Variants in GABBR1 observed in about 807,000 individuals in gnomAD.
GABBR1 encodes GABA-B receptor, R1 subunit.
Under a neutral mutation model 117.7 loss-of-function variants are expected in GABBR1, and 35 were observed. The observed-to-expected ratio is 0.30, with a 90% CI of 0.23 to 0.39. The LOEUF is 0.39. Among genes scored for constraint, GABBR1 ranks in the 10% least tolerant of loss-of-function variants. GABBR1 has a pLI of 1.00. For synonymous variants in GABBR1, 442 were observed against 486.6 expected (o/e 0.91, Z 1.21); for missense variants, 709 against 1,241.8 (o/e 0.57, Z 6.45).
At chr6:29,628,942 AG>A (rs1011109517) in intron 5 of GABBR1, 144 bp downstream of exon 5, 7 of 801,684 alleles carry the variant, frequency 8.7e-6, no homozygotes, top group South Asian at 7.7e-5. Context: ...TAGGGAGGGA[AG>A]GGGGTGGCCG....
intron 11 of GABBR1, among the ~76,000 whole-genome samples, chr6:29,617,278 A>C: frequency 6.8e-6 from 1 of 147,890 alleles, no homozygotes. Context: ...TTTCAAGTCC[A>C]TATTTCTTTT....
In GABBR1 at chr6:29,631,913, T is replaced by TAAA. The variant is rs3215531; in HGVS notation, c.86-317_86-315dup. On this transcript the variant is annotated intron_variant, in intron 2 of 22. Transcript: ENST00000377034. The surrounding 1 kb of genome is among the most constrained non-coding windows in gnomAD (Gnocchi z 5.9). Reference sequence around the variant, plus strand: ...ATGATATGTGGGTGGAGCTTTTCTTTAAAAAAAAAGGCTAAATGAGGATAT... The same window carrying TAAA: ...ATGATATGTGGGTGGAGCTTTTCTTTAAAAAAAAAAAAGGCTAAATGAGGATAT... Among the ~76,000 whole-genome samples, 5 of 150,318 alleles carry TAAA rather than the reference T, an allele frequency of 3.3e-5. No individual in the cohort carries two copies. Among genetic ancestry groups the TAAA allele is most frequent in the South Asian group, 2.1e-4 (1 of 4,728 alleles).
In GABBR1 at chr6:29,627,625, C is replaced by G; in HGVS notation, c.518G>C (p.Gly173Ala). The G allele has an allele frequency of 6.4e-7, 1 of 1,560,214 alleles. No individual in the cohort carries two copies. Among genetic ancestry groups the G allele is most frequent in the Non-Finnish European group, 8.7e-7 (1 of 1,155,996 alleles). The change falls in exon 6 of 23, where the codon GGG (glycine) becomes GCG (alanine). Residue 173 changes from glycine (G) to alanine (A), a missense_variant. Gly to Ala is a moderately conservative substitution (Grantham distance 60). Transcript: ENST00000377034. This position sits in a 1 kb window ranked among gnomAD's most constrained non-coding sequence, Gnocchi z 4.4. Reference protein sequence around the residue: ...PHSERRAVYIGALFPMSGGWP... With the variant: ...PHSERRAVYIAALFPMSGGWP... ...GCCCCCGCTCATGGGAAACAGTGCC[C>G]CGATGTACACTGCGCGCCGTTCTGA...
chr6:29,613,346 C>T lies in GABBR1; in HGVS notation c.1463G>A (p.Gly488Asp), dbSNP rs770744082. Residue 488 changes from glycine (G) to aspartate (D), a missense_variant, in exon 12 of 23, where the codon GGC becomes GAC. Gly to Asp is a moderately conservative substitution (Grantham distance 94). Coordinates refer to ENST00000377034, the MANE Select transcript of GABBR1 (RefSeq NM_001470.4). The surrounding 1 kb of genome is among the most constrained non-coding windows in gnomAD (Gnocchi z 4.1). ...ALALNKTSGGGGRSGVRLEDF... is the reference protein window; with the variant it reads ...ALALNKTSGGDGRSGVRLEDF... ...CTCCAGGCGCACACCAGAACGGCCG[C>T]CTCCTCCAGATGTCTTGTTCAGGGC... 6.2e-6 allele frequency: 10 copies of T among 1,612,996 alleles called. No individual in the cohort carries two copies. Among genetic ancestry groups the T allele is most frequent in the Non-Finnish European group, 8.5e-6 (10 of 1,180,034 alleles).
In GABBR1 at chr6:29,612,541, C is replaced by G; in HGVS notation, c.1630+10G>C. Reference sequence around the variant, plus strand: ...CCCCATGTCCGGTCCCCTCCTGCCCCTGTACTAACCCTGAAGCTGCTCGAT... The same window carrying G: ...CCCCATGTCCGGTCCCCTCCTGCCCGTGTACTAACCCTGAAGCTGCTCGAT... On this transcript the variant is annotated intron_variant, in intron 13 of 22. Coordinates refer to ENST00000377034, the MANE Select transcript of GABBR1 (RefSeq NM_001470.4). The G allele has an allele frequency of 6.2e-7, 1 of 1,613,566 alleles. No homozygotes were observed. The highest frequency in any genetic ancestry group is 8.5e-7 in the Non-Finnish European group (1 of 1,179,640).
Position 29,613,505 on chromosome 6 carries a change from G to A in GABBR1, c.1324-20C>T, listed in dbSNP as rs1762765360. Reference sequence around the variant, plus strand: ...GGATGTCTTGGGAGGAAAAAATCATGAGGAAAGAACTGAAATGTGTGTGGG... The same window carrying A: ...GGATGTCTTGGGAGGAAAAAATCATAAGGAAAGAACTGAAATGTGTGTGGG... On this transcript the variant is annotated intron_variant, in intron 11 of 22. Transcript: ENST00000377034. The surrounding 1 kb of genome is among the most constrained non-coding windows in gnomAD (Gnocchi z 4.1). The A allele has an allele frequency of 5.6e-6, 9 of 1,609,946 alleles. No homozygotes were observed. The highest frequency in any genetic ancestry group is 7.6e-6 in the Non-Finnish European group (9 of 1,177,788).
chr6:29,604,735 G>A lies in GABBR1; in HGVS notation c.2569-98C>T, dbSNP rs1448657766. On this transcript the variant is annotated intron_variant, in intron 21 of 22. Transcript: ENST00000377034. This position sits in a 1 kb window ranked among gnomAD's most constrained non-coding sequence, Gnocchi z 5.3. ...GGTGGAAGGAATGCTGATAAGAGTT[G>A]GGCCCAAAACAAGGGGAGGAGTGAG... 8.1e-6 allele frequency: 13 copies of A among 1,596,144 alleles called. No homozygotes were observed. The Admixed American group carries it at 2.2e-4, about 27-fold the overall frequency.
rs139085697 is a variant in GABBR1, at chr6:29,624,647, G to A, written c.658-623C>T. Among the ~76,000 whole-genome samples, 85 of 152,218 alleles carry A rather than the reference G, an allele frequency of 5.6e-4. 1 individual carries two copies. The highest frequency in any genetic ancestry group is 1.9e-3 in the African/African-American group (80 of 41,516). On this transcript the variant is annotated intron_variant, in intron 6 of 22. Coordinates refer to ENST00000377034, the MANE Select transcript of GABBR1 (RefSeq NM_001470.4). ...CCATTAGAAAAAAAGACACTGGGGG[G>A]TGGAAGTAGGGAAGAATGTAGGATG... is the stretch of plus-strand genomic sequence containing the variant.
intron 4 of GABBR1, chr6:29,629,988 C>G (rs1020839023): frequency 6.4e-6 from 1 of 155,430 alleles, no homozygotes; most frequent in African/African-American, 2.4e-5. Context: ...TATGTTTCCA[C>G]CCCCAGAGCT....
intron 6 of GABBR1, among the ~76,000 whole-genome samples, chr6:29,624,836 G>T (rs1233790176): frequency 6.6e-6 from 1 of 151,968 alleles, no homozygotes; most frequent in East Asian, 1.9e-4. Context: ...AGCCAGCCTT[G>T]GGTCTCCCAC....
chr6:29,606,068 C>T lies in GABBR1; in HGVS notation c.2311+323G>A, dbSNP rs1761344211. On this transcript the variant is annotated intron_variant, in intron 19 of 22. Transcript: ENST00000377034. This position sits in a 1 kb window ranked among gnomAD's most constrained non-coding sequence, Gnocchi z 4.5. Reference sequence around the variant, plus strand: ...AGGTTTGCAATTTGTGACCATGAATCGAACAATGCTAATAAGGCCAAGGGG... The same window carrying T: ...AGGTTTGCAATTTGTGACCATGAATTGAACAATGCTAATAAGGCCAAGGGG... 1 of 521,180 alleles carries T rather than the reference C, an allele frequency of 1.9e-6. No individual in the cohort carries two copies. The highest frequency in any genetic ancestry group is 3.4e-6 in the Non-Finnish European group (1 of 293,082). The allele number at this position is 521,180 out of a possible 1,614,324, so 32.3% of individuals were successfully genotyped here.
intron 5 of GABBR1, chr6:29,628,038 G>A: frequency 8.2e-7 from 1 of 1,217,334 alleles, no homozygotes; most frequent in Non-Finnish European, 1.0e-6. Context: ...AGGAGGAGGA[G>A]CAGGAGGGAG....
At position 29,605,813 on chromosome 6, in the gene GABBR1, A is replaced by T; in HGVS notation, c.2312-117T>A. On this transcript the variant is annotated intron_variant, in intron 19 of 22. Coordinates refer to ENST00000377034, the MANE Select transcript of GABBR1 (RefSeq NM_001470.4). This position sits in a 1 kb window ranked among gnomAD's most constrained non-coding sequence, Gnocchi z 4.2. ...AATGGAAAGGGGGCCCTCCTCTCCAATCCAACCCCTCTGACCTAGCAAACC... is the reference window on the plus strand; with the variant it reads ...AATGGAAAGGGGGCCCTCCTCTCCATTCCAACCCCTCTGACCTAGCAAACC... 3.2e-6 allele frequency: 4 copies of T among 1,259,878 alleles called. No homozygotes were observed. Among genetic ancestry groups the T allele is most frequent in the Non-Finnish European group, 4.4e-6 (4 of 911,488 alleles). The allele number at this position is 1,259,878 out of a possible 1,614,324, so 78.0% of individuals were successfully genotyped here.
Position 29,632,331 on chromosome 6 carries a change from C to A in GABBR1, c.55G>T (p.Gly19Trp). Residue 19 changes from glycine (G) to tryptophan (W), a missense_variant, in exon 2 of 23, where the codon GGG becomes TGG. Physicochemically the swap from Gly to Trp is radical, Grantham distance 184. Around this residue, in one of 9 missense-constraint regions of GABBR1, gnomAD observed 43 missense variants for 42.8 expected, o/e 1.00. Coordinates refer to ENST00000377034, the MANE Select transcript of GABBR1 (RefSeq NM_001470.4). The surrounding 1 kb of genome is among the most constrained non-coding windows in gnomAD (Gnocchi z 5.8). ...PLFLRPPGAGGAQTPNATSEG... is the reference protein window; with the variant it reads ...PLFLRPPGAGWAQTPNATSEG... ...GAGGTGGCGTTGGGGGTCTGCGCCC[C>A]GCCCGCGCCCGGGGGGCGGAGGAAG... is the stretch of plus-strand genomic sequence containing the variant. The A allele has an allele frequency of 7.3e-7, 1 of 1,369,368 alleles. No homozygotes were observed. The highest frequency in any genetic ancestry group is 9.5e-7 in the Non-Finnish European group (1 of 1,057,872). The allele number at this position is 1,369,368 out of a possible 1,614,324, so 84.8% of individuals were successfully genotyped here.
intron 5 of GABBR1, among the ~76,000 whole-genome samples, chr6:29,628,882 A>G (rs1305390884): frequency 6.6e-6 from 1 of 151,248 alleles, no homozygotes; most frequent in Non-Finnish European, 1.5e-5. Flanking sequence ...AGCAGGGACA[A>G]GGAGAGACCG....
chr6:29,609,472 T>A lies in GABBR1; in HGVS notation c.1709-93A>T, dbSNP rs1762308842. 4 of 1,068,622 alleles carry A rather than the reference T, an allele frequency of 3.7e-6. No homozygotes were observed. Among genetic ancestry groups the A allele is most frequent in the Non-Finnish European group, 5.6e-6 (4 of 719,626 alleles). 66.2% of individuals were successfully genotyped at this position (1,068,622 alleles called of 1,614,324 possible). On this transcript the variant is annotated intron_variant, in intron 14 of 22. Transcript: ENST00000377034. This position sits in a 1 kb window ranked among gnomAD's most constrained non-coding sequence, Gnocchi z 4.3. ...GGGATAGGAGAAAAGGGCAAAGAACTAGATTGCTGATGGACATTCAGTCAT... is the reference window on the plus strand; with the variant it reads ...GGGATAGGAGAAAAGGGCAAAGAACAAGATTGCTGATGGACATTCAGTCAT...
chr6:29,628,255 AG>A, intron 5 of GABBR1: 1 of 791,168 alleles, frequency 1.3e-6, no homozygotes, highest in Non-Finnish European at 1.4e-6. Flanking sequence ...ATCTCACTTA[AG>A]GGGACCCGAG....
At position 29,603,528 on chromosome 6, in the gene GABBR1, T is replaced by C; in HGVS notation, c.*15A>G. Reference sequence around the variant, plus strand: ...TTTCCCTCCCCCTACTGGCCTGTCCTCCCTCACCCTACCCTCACTTATAAA... The same window carrying C: ...TTTCCCTCCCCCTACTGGCCTGTCCCCCCTCACCCTACCCTCACTTATAAA... On this transcript the variant is annotated 3_prime_UTR_variant, in exon 23 of 23. Coordinates refer to ENST00000377034, the MANE Select transcript of GABBR1 (RefSeq NM_001470.4). The C allele has an allele frequency of 6.5e-7, 1 of 1,548,960 alleles. No individual in the cohort carries two copies. The highest frequency in any genetic ancestry group is 1.4e-5 in the African/African-American group (1 of 73,140).
chr6:29,632,454 G>T lies in GABBR1; in HGVS notation c.1-69C>A. 1 of 1,225,926 alleles carries T rather than the reference G, an allele frequency of 8.2e-7. No individual in the cohort carries two copies. Among genetic ancestry groups the T allele is most frequent in the Non-Finnish European group, 1.1e-6 (1 of 936,968 alleles). The allele number at this position is 1,225,926 out of a possible 1,614,324, so 75.9% of individuals were successfully genotyped here. A position where few individuals can be genotyped will look rare whatever the true frequency, so the allele number is the denominator to read the frequency against. ...CGCGGCCCGCACCCGGAGACTACTC[G>T]ACCTCTTGCCGGTTGCCTCGCAGGC... On this transcript the variant is annotated intron_variant, in intron 1 of 22. Coordinates refer to ENST00000377034, the MANE Select transcript of GABBR1 (RefSeq NM_001470.4). The surrounding 1 kb of genome is among the most constrained non-coding windows in gnomAD (Gnocchi z 5.8).
Sources: allele counts gnomAD v4.1 joint callset (sites outside exome capture counted in the v4.1 genomes callset), GRCh38; gene constraint gnomAD v4.1.1; regional missense constraint gnomAD v4.1.1; non-coding constraint Gnocchi (gnomAD v3.1); transcripts MANE v1.5; gene names NCBI Gene and HGNC (gene_info 2026-07-23, HGNC 2026-07-21).